The following MTUS2 variants were observed in gnomAD, a reference collection of about 807,000 sequenced individuals.
MTUS2 encodes microtubule associated scaffold protein 2.
MTUS2 carries 40 observed loss-of-function variants against 114.1 expected under a neutral mutation model. The ratio of observed to expected loss-of-function variants is 0.35; its 90% confidence interval spans 0.27 to 0.46. MTUS2 has a LOEUF of 0.46. Ranked by LOEUF, MTUS2 falls within the 20% of genes least tolerant of loss-of-function variation. The pLI, the probability that MTUS2 is intolerant of heterozygous loss-of-function variation, is 1.00. For synonymous variants in MTUS2, 688 were observed against 672.0 expected, an observed-to-expected ratio of 1.02 and a Z score of -0.37; for missense variants, 1,679 against 1,705.4, an observed-to-expected ratio of 0.98 and a Z score of 0.27.
intron 5 of MTUS2, among the ~76,000 whole-genome samples, chr13:29,165,837 C>T (rs921323519): frequency 2.6e-5 from 4 of 152,066 alleles, no homozygotes; most frequent in African/African-American, 7.2e-5. Context: ...TAATTAAATG[C>T]CATGAAAATT....
rs769998353 is a variant in MTUS2, at chr13:28,897,586, G to GAC, written c.-243+57750_-243+57751dup. On this transcript the variant is annotated intron_variant, in intron 2 of 15. Coordinates refer to ENST00000612955, the MANE Select transcript of MTUS2 (RefSeq NM_001033602.4). The stretch of plus-strand genomic sequence containing the variant: ...GGACTATAAATCATGCTGCTATAAA[G>GAC]ACACACACACACACATGTATGTTTA... 8.3e-4 allele frequency among the ~76,000 whole-genome samples: 126 copies of GAC among 151,878 alleles called. 1 individual carries two copies. The highest frequency in any genetic ancestry group is 1.2e-3 in the African/African-American group (49 of 41,352).
intron 5 of MTUS2, among the ~76,000 whole-genome samples, chr13:29,166,832 A>C (rs1490722662): frequency 6.6e-6 from 1 of 152,216 alleles, no homozygotes; most frequent in Admixed American, 6.5e-5. Flanking sequence ...TGTCTTGAAA[A>C]AAAATTAGTT....
At chr13:29,462,227 G>A (rs1037473388) in intron 9 of MTUS2, among the ~76,000 whole-genome samples, 1 of 152,216 alleles carries the variant, frequency 6.6e-6, no homozygotes, top group Admixed American at 6.5e-5. Flanking sequence ...GCTTAAAAGT[G>A]TTCAAGAAAT....
chr13:29,475,210 G>A (rs1035002458), intron 9 of MTUS2, among the ~76,000 whole-genome samples: 19 of 152,122 alleles, frequency 1.2e-4, no homozygotes, highest in Non-Finnish European at 2.4e-4. Flanking sequence ...ACCCGGTGAC[G>A]TCAGAGCCTC....
chr13:29,047,014 C>A (rs1169796100), intron 4 of MTUS2, among the ~76,000 whole-genome samples: 1 of 152,198 alleles, frequency 6.6e-6, no homozygotes, highest in Middle Eastern at 3.2e-3. Context: ...GGCTCTCGTG[C>A]CCCCTTGTTC....
At chr13:29,137,095 A>G (rs1892010033) in intron 5 of MTUS2, among the ~76,000 whole-genome samples, 1 of 152,146 alleles carries the variant, frequency 6.6e-6, no homozygotes, top group Admixed American at 6.5e-5. Flanking sequence ...CAGAGGAAAA[A>G]CATTTTGTTT....
intron 2 of MTUS2, among the ~76,000 whole-genome samples, chr13:28,953,323 A>G (rs552611167): frequency 6.6e-6 from 1 of 152,262 alleles, no homozygotes; most frequent in East Asian, 1.9e-4. Flanking sequence ...AGCCCGGCCA[A>G]CATGGTAAAA....
At chr13:29,398,259 G>C (rs528734134) in intron 8 of MTUS2, among the ~76,000 whole-genome samples, 1 of 152,110 alleles carries the variant, frequency 6.6e-6, no homozygotes, top group South Asian at 2.1e-4. Context: ...TCAGGAGTTC[G>C]AGACCAGCCT....
chr13:29,482,551 T>A (rs998631715), intron 10 of MTUS2, among the ~76,000 whole-genome samples: 1 of 152,216 alleles, frequency 6.6e-6, no homozygotes, highest in African/African-American at 2.4e-5. Flanking sequence ...GTGCAAAGAA[T>A]ATCTATGGAA....
chr13:29,098,603 G>A (rs905809867), intron 4 of MTUS2, among the ~76,000 whole-genome samples: 1 of 152,140 alleles, frequency 6.6e-6, no homozygotes, highest in East Asian at 1.9e-4. Context: ...ATCTTGTGCT[G>A]CTTGTCCTCC....
At chr13:28,848,702 C>G (rs1207948512) in intron 2 of MTUS2, among the ~76,000 whole-genome samples, 3 of 152,070 alleles carry the variant, frequency 2.0e-5, no homozygotes, top group African/African-American at 7.2e-5. Context: ...TAGCCCCACC[C>G]TATTCCCTGC....
intron 2 of MTUS2, among the ~76,000 whole-genome samples, chr13:28,889,528 G>GGT (rs1878791411): frequency 6.6e-6 from 1 of 152,038 alleles, no homozygotes; most frequent in South Asian, 2.1e-4. Flanking sequence ...ACTGAGCATG[G>GGT]GTGTGTCTCT....
chr13:29,216,458 C>T (rs974362548), intron 5 of MTUS2, among the ~76,000 whole-genome samples: 1 of 152,160 alleles, frequency 6.6e-6, no homozygotes, highest in Non-Finnish European at 1.5e-5. Flanking sequence ...GGTGTCTTCC[C>T]CAATAGCTGC....
At chr13:29,323,449 A>C (rs898794437) in intron 6 of MTUS2, among the ~76,000 whole-genome samples, 2 of 151,986 alleles carry the variant, frequency 1.3e-5, no homozygotes, top group Non-Finnish European at 2.9e-5. Flanking sequence ...ACGGGGTTTC[A>C]CCGTGTTAGC....
intron 5 of MTUS2, among the ~76,000 whole-genome samples, chr13:29,139,519 A>G (rs1188044079): frequency 6.6e-6 from 1 of 152,030 alleles, no homozygotes; most frequent in South Asian, 2.1e-4. Context: ...GCTAAATTCT[A>G]ATATCTAATA....
rs541053124 is a variant in MTUS2, at chr13:28,844,955, T to C, written c.-243+5105T>C. Among the ~76,000 whole-genome samples the C allele has an allele frequency of 3.9e-5, 6 of 152,210 alleles. No individual in the cohort carries two copies. The South Asian group carries it at 1.2e-3, about 32-fold the overall frequency. The stretch of plus-strand genomic sequence containing the variant: ...TTAAAATTTTAATTTAATTTACTTG[T>C]TAATTAATTTATTTTTTAGAGACAG... On this transcript the variant is annotated intron_variant, in intron 2 of 15. Transcript: ENST00000612955.
At chr13:29,103,096 T>C (rs1216063951) in intron 5 of MTUS2, among the ~76,000 whole-genome samples, 3 of 152,180 alleles carry the variant, frequency 2.0e-5, no homozygotes, top group Non-Finnish European at 4.4e-5. Flanking sequence ...TTGCAGACAT[T>C]ATTTTCACAT....
At chr13:28,910,574 G>C (rs1267010641) in intron 2 of MTUS2, among the ~76,000 whole-genome samples, 1 of 150,732 alleles carries the variant, frequency 6.6e-6, no homozygotes. Flanking sequence ...AGTTTGTGTT[G>C]TTCCCCTCCA....
intron 4 of MTUS2, among the ~76,000 whole-genome samples, chr13:29,052,832 G>A (rs1049185218): frequency 1.3e-5 from 2 of 152,160 alleles, no homozygotes; most frequent in Non-Finnish European, 2.9e-5. Context: ...TAATCCCCAT[G>A]TGTTGTGGGG....
Sources: allele counts gnomAD v4.1 joint callset (sites outside exome capture counted in the v4.1 genomes callset), GRCh38; gene constraint gnomAD v4.1.1; transcripts MANE v1.5; gene names NCBI Gene and HGNC (gene_info 2026-07-23, HGNC 2026-07-21).